Variants in NDUFAF6 observed in about 807,000 individuals in gnomAD.
The protein encoded by NDUFAF6 is NADH dehydrogenase (ubiquinone) complex I, assembly factor 6.
A neutral mutation model predicts 40.8 loss-of-function variants in NDUFAF6; 45 were observed. That is an observed-to-expected ratio of 1.10 (90% CI 0.87 to 1.42). NDUFAF6 has a LOEUF of 1.42. NDUFAF6 is among the 40% of genes most tolerant of loss of function. The pLI, the probability that NDUFAF6 is intolerant of heterozygous loss-of-function variation, is 0.00. For synonymous variants in NDUFAF6, 185 were observed against 155.9 expected (o/e 1.19, Z -1.39); for missense variants, 435 against 418.5 (o/e 1.04, Z -0.34).
At chr8:95,046,971 C>G in intron 5 of NDUFAF6, 23 bp from the exon 6 acceptor site, 1 of 1,613,802 alleles carries the variant, frequency 6.2e-7, no homozygotes, top group Non-Finnish European at 8.5e-7. Context: ...TAGAGCAGCC[C>G]TGTGTAATTT....
At chr8:94,977,522 TAAAAAAAA>T (rs748596014) in intron 1 of NDUFAF6, among the ~76,000 whole-genome samples, 1 of 104,806 alleles carries the variant, frequency 9.5e-6, no homozygotes, top group Non-Finnish European at 1.9e-5. Flanking sequence ...ACCCTGTCTC[TAAAAAAAA>T]AAAAAAAAAA....
upstream of NDUFAF6, among the ~76,000 whole-genome samples, chr8:95,021,362 C>T (rs1168175753): frequency 2.0e-5 from 3 of 152,194 alleles, no homozygotes; most frequent in African/African-American, 7.2e-5. Flanking sequence ...ATGGAAATCT[C>T]TTTAGTGACA....
chr8:95,084,044 T>A (rs1808963166), intron 2 of NDUFAF6, among the ~76,000 whole-genome samples: 1 of 152,212 alleles, frequency 6.6e-6, no homozygotes, highest in South Asian at 2.1e-4. Context: ...ACTGGGATAT[T>A]TACTGGGAAT....
chr8:94,905,481 ATC>A (rs898201822), intron 1 of NDUFAF6, among the ~76,000 whole-genome samples: 3 of 152,186 alleles, frequency 2.0e-5, no homozygotes, highest in South Asian at 2.1e-4. Flanking sequence ...ACTGAATGGC[ATC>A]TCTGTGTAGC....
chr8:95,057,437 A>C (rs1832323019), intron 8 of NDUFAF6, among the ~76,000 whole-genome samples: 1 of 151,886 alleles, frequency 6.6e-6, no homozygotes. Flanking sequence ...GGTACACTAC[A>C]TTTGGGGGGT....
chr8:95,106,546 C>T (rs566080471), downstream of NDUFAF6, among the ~76,000 whole-genome samples: 5 of 152,232 alleles, frequency 3.3e-5, no homozygotes, highest in East Asian at 9.6e-4. Context: ...AAAACCTAGG[C>T]AATATCATTC....
intron 1 of NDUFAF6, among the ~76,000 whole-genome samples, chr8:95,026,070 T>C (rs566874441): frequency 6.6e-6 from 1 of 152,322 alleles, no homozygotes; most frequent in South Asian, 2.1e-4. Context: ...TACCTTGAAG[T>C]TGATCATGCA....
At chr8:95,032,793 A>C (rs1484597466) in intron 2 of NDUFAF6, among the ~76,000 whole-genome samples, 1 of 152,184 alleles carries the variant, frequency 6.6e-6, no homozygotes, top group Non-Finnish European at 1.5e-5. Flanking sequence ...TATGGTAGGA[A>C]GTGAACAAGG....
chr8:94,900,507 C>T (rs1817946079), intron 1 of NDUFAF6, among the ~76,000 whole-genome samples: 1 of 152,074 alleles, frequency 6.6e-6, no homozygotes, highest in Admixed American at 6.5e-5. Context: ...GATTGTGAGA[C>T]GTAGACAGCG....
chr8:94,920,899 A>G (rs1487147028), intron 1 of NDUFAF6, among the ~76,000 whole-genome samples: 3 of 152,218 alleles, frequency 2.0e-5, no homozygotes, highest in Admixed American at 1.3e-4. Flanking sequence ...GCTGCCTATT[A>G]GGACCAATCT....
At chr8:94,923,846 AT>A (rs35262371) in intron 1 of NDUFAF6, among the ~76,000 whole-genome samples, 15 of 143,464 alleles carry the variant, frequency 1.0e-4, no homozygotes, top group African/African-American at 2.3e-4. Flanking sequence ...CGCCCGACTA[AT>A]TTTTTTTTTT....
chr8:94,906,203 C>T (rs1006456841), intron 1 of NDUFAF6, among the ~76,000 whole-genome samples: 2 of 152,152 alleles, frequency 1.3e-5, no homozygotes, highest in Admixed American at 1.3e-4. Context: ...AGGCCCTCCA[C>T]AGTCTGCCCT....
intron 1 of NDUFAF6, among the ~76,000 whole-genome samples, chr8:94,980,448 T>TTG (rs552328142): frequency 0.011 from 1,639 of 144,236 alleles, 35 homozygotes; most frequent in African/African-American, 0.04. Context: ...TTTTGTTTTT[T>TTG]TTTTTTTTTT....
intron 4 of NDUFAF6, among the ~76,000 whole-genome samples, chr8:95,109,560 A>G (rs1809934335): frequency 6.9e-6 from 1 of 145,636 alleles, no homozygotes; most frequent in Non-Finnish European, 1.5e-5. Context: ...GTAATCATAG[A>G]TAGAGATGTA....
intron 2 of NDUFAF6, among the ~76,000 whole-genome samples, chr8:94,993,081 AAG>A (rs1485502107): frequency 2.6e-5 from 4 of 152,200 alleles, no homozygotes; most frequent in Non-Finnish European, 5.9e-5. Context: ...AAGGTGTTTG[AAG>A]GGCTGATTAC....
intron 1 of NDUFAF6, among the ~76,000 whole-genome samples, chr8:94,968,723 T>G (rs1824216200): frequency 6.6e-6 from 1 of 152,194 alleles, no homozygotes; most frequent in Non-Finnish European, 1.5e-5. Flanking sequence ...ATCTACGATG[T>G]GGGCAGCAGA....
At chr8:95,072,530 A>G (rs1052838233) in intron 9 of NDUFAF6, among the ~76,000 whole-genome samples, 1 of 152,244 alleles carries the variant, frequency 6.6e-6, no homozygotes, top group Admixed American at 6.5e-5. Flanking sequence ...CATGTTTCTC[A>G]GCTCACAAGT....
chr8:95,098,793 G>A (rs967823530), upstream of NDUFAF6, among the ~76,000 whole-genome samples: 5 of 151,648 alleles, frequency 3.3e-5, no homozygotes, highest in African/African-American at 7.3e-5. Context: ...CGTGTGGCAC[G>A]CATCTATAAT....
At chr8:94,940,096 TG>T in intron 1 of NDUFAF6, 1 of 1,614,214 alleles carries the variant, frequency 6.2e-7, no homozygotes, top group Non-Finnish European at 8.5e-7. Context: ...AGGAATCACT[TG>T]TATCAGCCAA....
Sources: gnomAD v4.1 joint callset for allele counts (sites outside exome capture counted in the v4.1 genomes callset) on GRCh38, gnomAD v4.1.1 for gene constraint, MANE v1.5 for transcripts, NCBI Gene and HGNC (gene_info 2026-07-23, HGNC 2026-07-21) for gene names.